Variants in DNM1 observed in about 807,000 individuals in gnomAD.
DNM1 encodes the protein dynamin-1.
Under a neutral mutation model 104.6 loss-of-function variants are expected in DNM1, and 29 were observed. That is an observed-to-expected ratio of 0.28 (90% CI 0.21 to 0.38). The LOEUF is 0.38. Ranked by LOEUF, DNM1 falls within the 10% of genes least tolerant of loss-of-function variation. The pLI, the probability that DNM1 is intolerant of heterozygous loss-of-function variation, is 1.00. For synonymous variants in DNM1, 445 were observed against 475.8 expected (o/e 0.94, Z 0.84); for missense variants, 640 against 1,189.4 (o/e 0.54, Z 6.79).
intron 1 of DNM1, among the ~76,000 whole-genome samples, chr9:128,215,316 A>G (rs563238768): frequency 6.6e-6 from 1 of 152,140 alleles, no homozygotes; most frequent in African/African-American, 2.4e-5. Flanking sequence ...TCCATTTAAA[A>G]CCCAGATTCT....
In DNM1 at chr9:128,243,018, A is replaced by G. The variant is rs147208780; in HGVS notation, c.1671+673A>G. Among the ~76,000 whole-genome samples, 6 of 152,142 alleles carry G rather than the reference A, an allele frequency of 3.9e-5. No individual in the cohort carries two copies. In the East Asian group the frequency reaches 1.2e-3, roughly 29 times the overall value. On this transcript the variant is annotated intron_variant, in intron 15 of 21. Transcript: ENST00000372923. The surrounding 1 kb of genome is among the most constrained non-coding windows in gnomAD (Gnocchi z 4.0). Reference sequence around the variant, plus strand: ...TCTGTGGCCCCCACAGGCCCATGACACACACAAGTCTAGCTGCCAGACACC... The same window carrying G: ...TCTGTGGCCCCCACAGGCCCATGACGCACACAAGTCTAGCTGCCAGACACC...
Position 128,224,402 on chromosome 9 carries a change from C to A in DNM1, c.1335+13C>A, listed in dbSNP as rs1330389436. ...GTGCACCAAGAAGGTAACCCGGAGGCCCGGGCCAGCCCCCACCGCCTCTGC... is the reference window on the plus strand; with the variant it reads ...GTGCACCAAGAAGGTAACCCGGAGGACCGGGCCAGCCCCCACCGCCTCTGC... On this transcript the variant is annotated intron_variant, in intron 10 of 21. Transcript: ENST00000372923. This position sits in a 1 kb window ranked among gnomAD's most constrained non-coding sequence, Gnocchi z 4.3. 1.2e-6 allele frequency: 2 copies of A among 1,602,712 alleles called. No homozygotes were observed. The highest frequency in any genetic ancestry group is 2.2e-5 in the South Asian group (2 of 89,764).
intron 11 of DNM1, 149 bp downstream of exon 11, chr9:128,234,256 C>G: frequency 1.5e-6 from 1 of 678,756 alleles, no homozygotes; most frequent in East Asian, 2.9e-5. Context: ...CTGCTTCTCT[C>G]TCTTTTTTAT....
Position 128,203,726 on chromosome 9 carries a change from C to T in DNM1, c.161+95C>T. On this transcript the variant is annotated intron_variant, in intron 1 of 21. Coordinates refer to ENST00000372923, the MANE Select transcript of DNM1 (RefSeq NM_004408.4). The surrounding 1 kb of genome is among the most constrained non-coding windows in gnomAD (Gnocchi z 5.3). ...TGACGGCGCGGCGACCTCGCAGCCCCCGACGCTGCACCCGCGGCCGGCGCG... is the reference window on the plus strand; with the variant it reads ...TGACGGCGCGGCGACCTCGCAGCCCTCGACGCTGCACCCGCGGCCGGCGCG... 8.3e-6 allele frequency: 10 copies of T among 1,204,086 alleles called. No homozygotes were observed. The highest frequency in any genetic ancestry group is 1.1e-5 in the Non-Finnish European group (10 of 951,756). The allele number at this position is 1,204,086 out of a possible 1,614,324, so 74.6% of individuals were successfully genotyped here.
At position 128,222,292 on chromosome 9, in the gene DNM1, G is replaced by A; in HGVS notation, c.945G>A (p.Lys315=). Residue 315 remains lysine (K), a synonymous_variant, in exon 7 of 22, where the codon AAG becomes AAA. Coordinates refer to ENST00000372923, the MANE Select transcript of DNM1 (RefSeq NM_004408.4). The surrounding 1 kb of genome is among the most constrained non-coding windows in gnomAD (Gnocchi z 7.8). ...LSIEKEVEEY[K]NFRPDDPARK... ...TTGAGAAGGAGGTGGAGGAATACAA[G>A]AACTTCCGCCCTGATGACCCAGCTC... The A allele has an allele frequency of 6.2e-7, 1 of 1,614,182 alleles. No individual in the cohort carries two copies. The highest frequency in any genetic ancestry group is 8.5e-7 in the Non-Finnish European group (1 of 1,180,006).
rs1277702265 is a variant in DNM1, at chr9:128,243,139, T to G, written c.1671+794T>G. 4.6e-5 allele frequency among the ~76,000 whole-genome samples: 7 copies of G among 152,092 alleles called. No individual in the cohort carries two copies. The highest frequency in any genetic ancestry group is 1.3e-4 in the Admixed American group (2 of 15,274). ...TGAGGGGCAAGGAGTGTGGGGGCCC[T>G]GCCGAGGTGCCACAAAAAACCCCTC... On this transcript the variant is annotated intron_variant, in intron 15 of 21. Transcript: ENST00000372923. This position sits in a 1 kb window ranked among gnomAD's most constrained non-coding sequence, Gnocchi z 4.0.
chr9:128,231,153 A>G (rs1588398907), intron 10 of DNM1, among the ~76,000 whole-genome samples: 2 of 150,482 alleles, frequency 1.3e-5, no homozygotes, highest in African/African-American at 4.9e-5. Context: ...ATATTTGGAA[A>G]GGAAAGCTTT....
Position 128,222,680 on chromosome 9 carries a change from G to A in DNM1, c.1128+84G>A. 1.2e-6 allele frequency: 2 copies of A among 1,601,284 alleles called. No individual in the cohort carries two copies. Among genetic ancestry groups the A allele is most frequent in the Non-Finnish European group, 8.5e-7 (1 of 1,171,200 alleles). ...ACTCTCTCTGCGTGTGTTTTTGCTG[G>A]CCCCCACCCCACAGGCCCTGATGCC... On this transcript the variant is annotated intron_variant, in intron 8 of 21. Coordinates refer to ENST00000372923, the MANE Select transcript of DNM1 (RefSeq NM_004408.4). The surrounding 1 kb of genome is among the most constrained non-coding windows in gnomAD (Gnocchi z 7.8).
intron 1 of DNM1, among the ~76,000 whole-genome samples, chr9:128,215,647 C>T (rs1834556939): frequency 3.3e-5 from 5 of 152,196 alleles, no homozygotes. Flanking sequence ...CTGGGCTCCC[C>T]ACACCCGCTA....
intron 1 of DNM1, among the ~76,000 whole-genome samples, chr9:128,215,330 T>A (rs1834539124): frequency 6.6e-6 from 1 of 152,206 alleles, no homozygotes; most frequent in African/African-American, 2.4e-5. Flanking sequence ...AGATTCTGCC[T>A]CCCCATGAAG....
rs1041175098 is a variant in DNM1, at chr9:128,233,868, C to T, written c.1336-153C>T. The T allele has an allele frequency of 4.2e-5, 28 of 662,186 alleles. No homozygotes were observed. The East Asian group carries it at 4.5e-4, about 11-fold the overall frequency. 41.0% of individuals were successfully genotyped at this position (662,186 alleles called of 1,614,324 possible). A position where few individuals can be genotyped will look rare whatever the true frequency, so the allele number is the denominator to read the frequency against. On this transcript the variant is annotated intron_variant, in intron 10 of 21. Transcript: ENST00000372923. ...GGTGGCCGTGGCTTGGTGCCATCAG[C>T]GTCCTGGGACCCTAGGTCTCTCTTC...
chr9:128,210,478 CAGCCTCCCAAGT>C (rs1218278580), intron 1 of DNM1, among the ~76,000 whole-genome samples: 1 of 152,032 alleles, frequency 6.6e-6, no homozygotes, highest in African/African-American at 2.4e-5. Flanking sequence ...TCTCCTACCT[CAGCCTCCCAAGT>C]AGCTGAGACT....
chr9:128,239,863 A>G, intron 13 of DNM1, 84 bp downstream of exon 13: 1 of 1,561,054 alleles, frequency 6.4e-7, no homozygotes, highest in Non-Finnish European at 8.8e-7. Context: ...CCCTGAGGGG[A>G]AGGGTCCCAC....
chr9:128,211,654 C>A (rs559316108), intron 1 of DNM1, among the ~76,000 whole-genome samples: 28 of 152,108 alleles, frequency 1.8e-4, no homozygotes, highest in African/African-American at 4.1e-4. Flanking sequence ...TTACAGGATT[C>A]CAGGTGGCTG....
At position 128,224,490 on chromosome 9, in the gene DNM1, G is replaced by C. The variant is rs546600124; in HGVS notation, c.1335+101G>C. 54 of 1,219,472 alleles carry C rather than the reference G, an allele frequency of 4.4e-5. No homozygotes were observed. The African/African-American group carries it at 6.8e-4, about 15-fold the overall frequency. The allele number at this position is 1,219,472 out of a possible 1,614,324, so 75.5% of individuals were successfully genotyped here. On this transcript the variant is annotated intron_variant, in intron 10 of 21. Coordinates refer to ENST00000372923, the MANE Select transcript of DNM1 (RefSeq NM_004408.4). The surrounding 1 kb of genome is among the most constrained non-coding windows in gnomAD (Gnocchi z 4.3). ...TCCCCCCCTGCCTCCTCGGTAGCAT[G>C]TACAGACCTCAGCGGGGTGGGGAGG...
chr9:128,232,074 G>A, intron 10 of DNM1: 1 of 455,834 alleles, frequency 2.2e-6, no homozygotes, highest in Non-Finnish European at 4.4e-6. Flanking sequence ...GGTGGAGGCT[G>A]CCCTGCCATG....
chr9:128,226,452 A>G (rs192044319), intron 10 of DNM1, among the ~76,000 whole-genome samples: 64 of 152,370 alleles, frequency 4.2e-4, no homozygotes, highest in African/African-American at 1.5e-3. Flanking sequence ...AGCACCTACT[A>G]TGTGCCAAGC....
chr9:128,252,472 G>A, intron 21 of DNM1: 1 of 398,726 alleles, frequency 2.5e-6, no homozygotes, highest in Non-Finnish European at 4.9e-6. Context: ...GAATCAGGAG[G>A]GTATCTGGGC....
intron 1 of DNM1, among the ~76,000 whole-genome samples, chr9:128,207,206 C>T (rs1834022456): frequency 6.6e-6 from 1 of 151,994 alleles, no homozygotes; most frequent in Admixed American, 6.6e-5. Flanking sequence ...CATATTGAGC[C>T]TGAGATGCCT....
Sources: gnomAD v4.1 joint callset for allele counts (sites outside exome capture counted in the v4.1 genomes callset) on GRCh38, gnomAD v4.1.1 for gene constraint, Gnocchi (gnomAD v3.1) non-coding constraint, MANE v1.5 for transcripts, NCBI Gene and HGNC (gene_info 2026-07-23, HGNC 2026-07-21) for gene names.